Variants in IMPA2 observed in about 807,000 individuals in gnomAD.
IMPA2 encodes the protein inositol monophosphatase 2, also known as IMP 2.
A neutral mutation model predicts 35.1 loss-of-function variants in IMPA2; 32 were observed. That is an observed-to-expected ratio of 0.91 (90% confidence interval 0.69 to 1.23). IMPA2 has a LOEUF of 1.23. IMPA2 is among the 50% of genes most tolerant of loss of function. The probability of loss-of-function intolerance (pLI) is 0.00; values close to 1 mark genes in which losing one functional copy is unlikely to be tolerated. For missense variants in IMPA2, 334 were observed against 387.6 expected, an observed-to-expected ratio of 0.86 and a Z score of 1.16; for synonymous variants, 135 against 160.6, an observed-to-expected ratio of 0.84 and a Z score of 1.20.
intron 2 of IMPA2, among the ~76,000 whole-genome samples, chr18:12,005,973 G>T (rs1907236761): frequency 1.3e-5 from 2 of 152,184 alleles, no homozygotes; most frequent in Non-Finnish European, 2.9e-5. Flanking sequence ...TCTGTTCGCT[G>T]CTTTGTCAAC....
Position 12,010,087 on chromosome 18 carries a change from TAAAC to T in IMPA2, c.335+105_335+108del, listed in dbSNP as rs1252064341. ...CAGCATTTTTTAAGGCAGGAATATA[TAAAC>T]AAACCTATAGTACACTCATAGTCTC... is the stretch of plus-strand genomic sequence containing the variant. On this transcript the variant is annotated intron_variant, in intron 3 of 7. Transcript: ENST00000269159. This position sits in a 1 kb window ranked among gnomAD's most constrained non-coding sequence, Gnocchi z 4.8. 1.3e-6 allele frequency: 1 copy of T among 785,990 alleles called. No homozygotes were observed. The highest frequency in any genetic ancestry group is 1.7e-5 in the African/African-American group (1 of 58,882). 48.7% of individuals were successfully genotyped at this position (785,990 alleles called of 1,614,324 possible).
rs769800491 is a variant in IMPA2 at position 12,028,896 on chromosome 18, C to T, written c.654C>T (p.Ala218=). 23 of 1,614,136 alleles carry T rather than the reference C, an allele frequency of 1.4e-5. No homozygotes were observed. In the Middle Eastern group the frequency reaches 1.5e-3, roughly 104 times the overall value. The change falls in exon 7 of 8, where the codon GCC becomes GCT. Residue 218 remains alanine, a synonymous_variant. Coordinates refer to ENST00000269159, the MANE Select transcript of IMPA2 (RefSeq NM_014214.3). The part of the protein sequence containing the change: ...TLALCHLASG[A]ADAYYQFGLH... ...CACTCTGCCACCTGGCCTCAGGGGCCGCGGATGCCTATTACCAGTTTGGCC... is the reference window on the plus strand; with the variant it reads ...CACTCTGCCACCTGGCCTCAGGGGCTGCGGATGCCTATTACCAGTTTGGCC...
At chr18:11,983,327 C>G (rs979375566) in intron 1 of IMPA2, among the ~76,000 whole-genome samples, 12 of 152,286 alleles carry the variant, frequency 7.9e-5, no homozygotes, top group Admixed American at 2.6e-4. Context: ...CCTTCCAGAG[C>G]AAGCATCAGC....
chr18:12,006,973 T>TA (rs1037413658), intron 2 of IMPA2, among the ~76,000 whole-genome samples: 6 of 151,734 alleles, frequency 4.0e-5, no homozygotes, highest in Non-Finnish European at 5.9e-5. Context: ...CTACTAAAGA[T>TA]AAAAAAAATT....
intron 7 of IMPA2, among the ~76,000 whole-genome samples, chr18:12,029,513 C>T (rs936404828): frequency 6.6e-6 from 1 of 151,846 alleles, no homozygotes; most frequent in Non-Finnish European, 1.5e-5. Flanking sequence ...CCTCCGCCTT[C>T]CAGGTTCAAG....
rs765450257 is a variant in IMPA2 at position 12,010,371 on chromosome 18, T to C, written c.335+384T>C. 99 of 185,824 alleles carry C rather than the reference T, an allele frequency of 5.3e-4. No homozygotes were observed. The highest frequency in any genetic ancestry group is 1.1e-3 in the South Asian group (10 of 9,434). The allele number at this position is 185,824 out of a possible 1,614,324, so 11.5% of individuals were successfully genotyped here. ...GGCCCGGAGCCCAAGGTGTAGAGAGTGGCCTGTGACAGGTGAGACTTGAGA... is the reference window on the plus strand; with the variant it reads ...GGCCCGGAGCCCAAGGTGTAGAGAGCGGCCTGTGACAGGTGAGACTTGAGA... On this transcript the variant is annotated intron_variant, in intron 3 of 7. Transcript: ENST00000269159. The surrounding 1 kb of genome is among the most constrained non-coding windows in gnomAD (Gnocchi z 4.8).
At chr18:11,993,722 A>G (rs1432317961) in intron 1 of IMPA2, among the ~76,000 whole-genome samples, 3 of 152,204 alleles carry the variant, frequency 2.0e-5, no homozygotes, top group Non-Finnish European at 4.4e-5. Context: ...GCTGGAGTAG[A>G]TGGAGGCTGA....
intron 2 of IMPA2, among the ~76,000 whole-genome samples, chr18:12,007,694 T>C (rs1359868311): frequency 2.0e-5 from 3 of 149,334 alleles, no homozygotes; most frequent in Non-Finnish European, 3.0e-5. Context: ...CTTTCCTTTC[T>C]TTCCTTTCTT....
Position 11,991,087 on chromosome 18 carries a change from A to G in IMPA2, c.97-7967A>G, listed in dbSNP as rs1405381331. ...CTGAAGGCAGGTCCGAGGGCTTGCA[A>G]ACACCCACTTTCAAGGAATAGTGGG... On this transcript the variant is annotated intron_variant, in intron 1 of 7. Coordinates refer to ENST00000269159, the MANE Select transcript of IMPA2 (RefSeq NM_014214.3). This position sits in a 1 kb window ranked among gnomAD's most constrained non-coding sequence, Gnocchi z 4.1. 6.6e-6 allele frequency among the ~76,000 whole-genome samples: 1 copy of G among 152,168 alleles called. No homozygotes were observed. The highest frequency in any genetic ancestry group is 1.5e-5 in the Non-Finnish European group (1 of 68,016).
rs915816976 is a variant in IMPA2, at chr18:12,030,557, G to T, written c.*99G>T. ...CCCACGCTCCATGCCAGTGGCTCACGCTCTGCTCCTGGCTACCCCAGAGGG... is the reference window on the plus strand; with the variant it reads ...CCCACGCTCCATGCCAGTGGCTCACTCTCTGCTCCTGGCTACCCCAGAGGG... On this transcript the variant is annotated 3_prime_UTR_variant, in exon 8 of 8. Transcript: ENST00000269159. 8.0e-6 allele frequency: 7 copies of T among 871,848 alleles called. No homozygotes were observed. The African/African-American group carries it at 1.2e-4, about 14-fold the overall frequency. The allele number at this position is 871,848 out of a possible 1,614,324, so 54.0% of individuals were successfully genotyped here. A position where few individuals can be genotyped will look rare whatever the true frequency, so the allele number is the denominator to read the frequency against.
chr18:12,003,665 GAAAAGGAAAAAA>G (rs1568031425), intron 2 of IMPA2, among the ~76,000 whole-genome samples: 1 of 71,066 alleles, frequency 1.4e-5, no homozygotes, highest in Admixed American at 1.9e-4. Context: ...AAAAAAAAAA[GAAAAGGAAAAAA>G]AAAAAAAAAG....
intron 5 of IMPA2, among the ~76,000 whole-genome samples, chr18:12,022,528 A>AAATATACAT (rs68185380): frequency 1.0e-5 from 1 of 96,822 alleles, no homozygotes; most frequent in Admixed American, 1.1e-4. Context: ...TCTCAAAAAG[A>AAATATACAT]ATATATATAT....
At chr18:11,996,355 A>C (rs558202219) in intron 1 of IMPA2, among the ~76,000 whole-genome samples, 1 of 152,180 alleles carries the variant, frequency 6.6e-6, no homozygotes. Flanking sequence ...CATTTTCTGC[A>C]GTACAGTGAT....
At position 11,984,206 on chromosome 18, in the gene IMPA2, CT is replaced by C. The variant is rs200080521; in HGVS notation, c.96+2443del. The stretch of plus-strand genomic sequence containing the variant: ...TCCCCTCTGCCCCAGTTCTGGCAGG[CT>C]TCCCTGTCCCAGGCTCCCAATTCCC... On this transcript the variant is annotated intron_variant, in intron 1 of 7. Coordinates refer to ENST00000269159, the MANE Select transcript of IMPA2 (RefSeq NM_014214.3). 7.5e-3 allele frequency among the ~76,000 whole-genome samples: 1,141 copies of C among 152,352 alleles called. 19 individuals are homozygous for C. Among genetic ancestry groups the C allele is most frequent in the African/African-American group, 0.025 (1,034 of 41,582 alleles).
intron 1 of IMPA2, among the ~76,000 whole-genome samples, chr18:11,987,425 A>G (rs1906698278): frequency 1.3e-5 from 2 of 151,992 alleles, no homozygotes; most frequent in Non-Finnish European, 2.9e-5. Flanking sequence ...CTGCCTCCCG[A>G]GTTCAAGTGA....
intron 1 of IMPA2, among the ~76,000 whole-genome samples, chr18:11,987,612 C>G (rs1046646141): frequency 1.3e-5 from 2 of 151,854 alleles, no homozygotes; most frequent in East Asian, 3.9e-4. Flanking sequence ...ATTACAGGCA[C>G]GAGCCACTGC....
At chr18:11,997,725 G>A (rs1002727137) in intron 1 of IMPA2, among the ~76,000 whole-genome samples, 16 of 152,168 alleles carry the variant, frequency 1.1e-4, no homozygotes, top group Admixed American at 9.2e-4. Context: ...TGGATGTCAC[G>A]TCCGGGCACC....
At chr18:12,012,131 C>G (rs745595577) in intron 3 of IMPA2, 39 bp from the exon 4 acceptor site, 5 of 1,607,574 alleles carry the variant, frequency 3.1e-6, no homozygotes, top group Non-Finnish European at 4.3e-6. Context: ...AGCTGCCGCT[C>G]TTGTTCCAGA....
At chr18:11,987,171 GTTT>G (rs1178488743) in intron 1 of IMPA2, among the ~76,000 whole-genome samples, 1 of 152,094 alleles carries the variant, frequency 6.6e-6, no homozygotes, top group African/African-American at 2.4e-5. Flanking sequence ...CCACCGCAGG[GTTT>G]CTCATTCACT....
Sources: gnomAD v4.1 joint callset for allele counts (sites outside exome capture counted in the v4.1 genomes callset) on GRCh38, gnomAD v4.1.1 for gene constraint, Gnocchi (gnomAD v3.1) non-coding constraint, MANE v1.5 for transcripts, NCBI Gene and HGNC (gene_info 2026-07-23, HGNC 2026-07-21) for gene names.